Variants in MYO3B observed in about 807,000 individuals in gnomAD.
MYO3B encodes myosin-IIIb.
In MYO3B, 156 loss-of-function variants were observed where a neutral mutation model predicts 174.6. The observed-to-expected ratio is 0.89, with a 90% CI of 0.78 to 1.02. The LOEUF is 1.02. MYO3B is among the 50% of genes least tolerant of loss of function. The probability of loss-of-function intolerance (pLI) is 0.00; values close to 1 mark genes in which losing one functional copy is unlikely to be tolerated. For missense variants in MYO3B, 1,632 were observed against 1,639.4 expected (o/e 1.00, Z 0.08); for synonymous variants, 563 against 569.1 (o/e 0.99, Z 0.15).
chr2:170,437,372 C>T (rs1441234711), intron 22 of MYO3B, among the ~76,000 whole-genome samples: 1 of 152,104 alleles, frequency 6.6e-6, no homozygotes, highest in Non-Finnish European at 1.5e-5. Flanking sequence ...TCTTAGCCCC[C>T]ACCCCCTTCT....
chr2:170,385,312 A>G (rs993524806), intron 12 of MYO3B, among the ~76,000 whole-genome samples: 1 of 152,080 alleles, frequency 6.6e-6, no homozygotes, highest in Admixed American at 6.5e-5. Context: ...CTCTAATCAC[A>G]TGTTTGGTCT....
At chr2:170,290,456 C>G (rs758322504) in intron 7 of MYO3B, among the ~76,000 whole-genome samples, 1 of 152,160 alleles carries the variant, frequency 6.6e-6, no homozygotes, top group Non-Finnish European at 1.5e-5. Flanking sequence ...TTTTTACAAC[C>G]TTAGATTTGT....
chr2:170,274,213 C>T (rs1482054491), intron 7 of MYO3B, among the ~76,000 whole-genome samples: 4 of 152,102 alleles, frequency 2.6e-5, no homozygotes, highest in Admixed American at 6.6e-5. Flanking sequence ...ACCAAGCTGA[C>T]GTTAGACGTA....
At chr2:170,598,207 C>T (rs981226331) in intron 32 of MYO3B, among the ~76,000 whole-genome samples, 10 of 152,300 alleles carry the variant, frequency 6.6e-5, no homozygotes, top group East Asian at 5.8e-4. Flanking sequence ...TTGGAGAAAA[C>T]GCAGTGCTCC....
At chr2:170,368,828 T>C (rs1294835959) in intron 8 of MYO3B, among the ~76,000 whole-genome samples, 2 of 151,746 alleles carry the variant, frequency 1.3e-5, no homozygotes, top group Non-Finnish European at 2.9e-5. Flanking sequence ...ATTGAGGTGA[T>C]AGTATTTAAT....
intron 7 of MYO3B, among the ~76,000 whole-genome samples, chr2:170,256,714 C>G (rs1010887341): frequency 1.3e-5 from 2 of 152,054 alleles, no homozygotes; most frequent in Non-Finnish European, 2.9e-5. Context: ...TTATTAGCAA[C>G]CAGCTAATAA....
At chr2:170,195,024 C>T (rs1025711115) in intron 1 of MYO3B, among the ~76,000 whole-genome samples, 1 of 152,018 alleles carries the variant, frequency 6.6e-6, no homozygotes, top group African/African-American at 2.4e-5. Context: ...ATCCTAGCCG[C>T]TCTGGCAACT....
At chr2:170,328,240 T>C (rs2093883882) in intron 7 of MYO3B, among the ~76,000 whole-genome samples, 1 of 152,096 alleles carries the variant, frequency 6.6e-6, no homozygotes, top group Non-Finnish European at 1.5e-5. Flanking sequence ...CTGTGTCACG[T>C]ATGCTGAGGT....
At chr2:170,539,280 C>T (rs372750541) in intron 30 of MYO3B, among the ~76,000 whole-genome samples, 1 of 152,314 alleles carries the variant, frequency 6.6e-6, no homozygotes, top group African/African-American at 2.4e-5. Context: ...TCCCTCTATG[C>T]CCTATGCTTT....
intron 7 of MYO3B, among the ~76,000 whole-genome samples, chr2:170,281,808 AAGAT>A (rs988062925): frequency 7.9e-5 from 12 of 152,184 alleles, no homozygotes; most frequent in African/African-American, 2.9e-4. Context: ...AAAAATTAAT[AAGAT>A]AGGCCACTAG....
intron 9 of MYO3B, among the ~76,000 whole-genome samples, chr2:170,371,285 T>C: frequency 6.8e-6 from 1 of 147,120 alleles, no homozygotes. Context: ...AACACCAGCC[T>C]CTCTCATCCC....
chr2:170,329,775 AGATGT>A (rs2093898884), intron 7 of MYO3B, among the ~76,000 whole-genome samples: 1 of 152,120 alleles, frequency 6.6e-6, no homozygotes, highest in Admixed American at 6.5e-5. Context: ...TGAACAGGTA[AGATGT>A]GACTTAGGGA....
intron 8 of MYO3B, among the ~76,000 whole-genome samples, chr2:170,361,900 A>G (rs1405034901): frequency 6.6e-6 from 1 of 152,142 alleles, no homozygotes; most frequent in African/African-American, 2.4e-5. Flanking sequence ...TTGTTACCAC[A>G]TCTCCTTCCC....
intron 20 of MYO3B, 146 bp from the exon 21 acceptor site, chr2:170,405,399 A>G: frequency 1.5e-6 from 1 of 655,092 alleles, no homozygotes. Flanking sequence ...TGCCCATCAT[A>G]TCGGTGATCT....
chr2:170,277,311 C>A (rs145792693), intron 7 of MYO3B, among the ~76,000 whole-genome samples: 1 of 152,288 alleles, frequency 6.6e-6, no homozygotes, highest in African/African-American at 2.4e-5. Flanking sequence ...TAGGATTTCC[C>A]AAGAAACTAA....
At chr2:170,553,274 G>A (rs1472838417) in intron 32 of MYO3B, among the ~76,000 whole-genome samples, 1 of 152,192 alleles carries the variant, frequency 6.6e-6, no homozygotes, top group Non-Finnish European at 1.5e-5. Flanking sequence ...AAAAGCTGCA[G>A]GCACTCAATG....
intron 24 of MYO3B, among the ~76,000 whole-genome samples, chr2:170,464,748 T>A (rs1310107618): frequency 6.6e-6 from 1 of 152,236 alleles, no homozygotes; most frequent in African/African-American, 2.4e-5. Flanking sequence ...TTATTTATAA[T>A]TGCTACTTAT....
intron 8 of MYO3B, among the ~76,000 whole-genome samples, chr2:170,356,092 C>G (rs1478704797): frequency 1.3e-5 from 2 of 151,930 alleles, no homozygotes; most frequent in Admixed American, 1.3e-4. Flanking sequence ...TCCCAAGTAG[C>G]TGGGACTACA....
chr2:170,210,872 T>G (rs971198994), intron 3 of MYO3B, among the ~76,000 whole-genome samples: 8 of 152,212 alleles, frequency 5.3e-5, no homozygotes, highest in Non-Finnish European at 1.2e-4. Flanking sequence ...TAGAGCTTTT[T>G]TATAGACATC....
Sources: allele counts gnomAD v4.1 joint callset (sites outside exome capture counted in the v4.1 genomes callset), GRCh38; gene constraint gnomAD v4.1.1; transcripts MANE v1.5; gene names NCBI Gene and HGNC (gene_info 2026-07-23, HGNC 2026-07-21).